Variants in LRRTM1 observed in about 807,000 individuals in gnomAD.
LRRTM1 encodes the protein leucine-rich repeat transmembrane neuronal protein 1.
Under a neutral mutation model 37.3 loss-of-function variants are expected in LRRTM1, and 8 were observed. The ratio of observed to expected loss-of-function variants is 0.21; its 90% CI spans 0.13 to 0.39. The LOEUF is 0.39. LRRTM1 is among the 10% of genes least tolerant of loss of function. LRRTM1 has a pLI of 1.00. For synonymous variants in LRRTM1, 326 were observed against 316.8 expected (o/e 1.03, Z -0.31); for missense variants, 557 against 691.0 (o/e 0.81, Z 2.17).
At chr2:80,298,700 TG>T (rs1675978121), downstream of LRRTM1, 1 of 152,230 alleles carries the variant, frequency 6.6e-6, no homozygotes, top group Non-Finnish European at 1.5e-5. Context: ...GAGAAAAGGT[TG>T]GGGGCTCTTC....
downstream of LRRTM1, chr2:80,298,292 C>A (rs915984325): frequency 1.3e-5 from 2 of 152,178 alleles, no homozygotes; most frequent in African/African-American, 4.8e-5. Flanking sequence ...AATCAGCCAA[C>A]ATCGCCACTC....
downstream of LRRTM1, among the ~76,000 whole-genome samples, chr2:80,297,445 C>G (rs1351398406): frequency 6.6e-6 from 1 of 152,126 alleles, no homozygotes; most frequent in Non-Finnish European, 1.5e-5. Flanking sequence ...AGGCACCATA[C>G]CAGCGACTGC....
chr2:80,289,136 T>A (rs1207367096), exon 3 of LRRTM1: 2 of 152,206 alleles, frequency 1.3e-5, no homozygotes, highest in Non-Finnish European at 2.9e-5. Flanking sequence ...AGCAGATATA[T>A]GCTGCGGATG....
In LRRTM1 at chr2:80,302,290, A is replaced by G. The variant is rs754669657; in HGVS notation, c.1530T>C (p.Cys510=). 2 of 1,613,900 alleles carry G rather than the reference A, an allele frequency of 1.2e-6. No homozygotes were observed. The highest frequency in any genetic ancestry group is 2.7e-5 in the African/African-American group (2 of 74,936). The change falls in exon 2 of 2, where the codon TGT becomes TGC. Residue 510 remains cysteine, a synonymous_variant. Transcript: ENST00000295057. The surrounding 1 kb of genome is among the most constrained non-coding windows in gnomAD (Gnocchi z 6.4). ...CCCTCGCGGGCTGCTGGTGGCAGGT[A>G]CACGAGCCATACTCGTTGATGATCA... ...ALVIINEYGS[C]TCHQQPAREC... is the part of the protein sequence containing the mutation.
At chr2:80,290,887 C>T (rs1429315878) in intron 2 of LRRTM1, among the ~76,000 whole-genome samples, 2 of 152,062 alleles carry the variant, frequency 1.3e-5, no homozygotes, top group Non-Finnish European at 2.9e-5. Context: ...ATAAAACAAG[C>T]CAGCAATGAC....
chr2:80,304,083 T>C (rs1252786429), intron 1 of LRRTM1, 69 bp downstream of exon 1: 2 of 386,476 alleles, frequency 5.2e-6, no homozygotes, highest in Admixed American at 4.5e-5. Context: ...TGTTAGATGC[T>C]GCAGCAAAGA....
In LRRTM1 at chr2:80,303,598, G is replaced by A. The variant is rs959169002; in HGVS notation, c.222C>T (p.Tyr74=). The part of the protein sequence containing the change: ...LSGLLGLSLR[Y]NSLSELRAGQ... ...CGGCGCGCAGCTCCGAGAGGCTGTTGTAGCGCAGGGACAAGCCCAGCAGGC... is the reference window on the plus strand; with the variant it reads ...CGGCGCGCAGCTCCGAGAGGCTGTTATAGCGCAGGGACAAGCCCAGCAGGC... The change falls in exon 2 of 2, where the codon TAC becomes TAT. Residue 74 remains tyrosine, a synonymous_variant. Coordinates refer to ENST00000295057, the MANE Select transcript of LRRTM1 (RefSeq NM_178839.5). This position sits in a 1 kb window ranked among gnomAD's most constrained non-coding sequence, Gnocchi z 7.7. 2 of 1,614,178 alleles carry A rather than the reference G, an allele frequency of 1.2e-6. No individual in the cohort carries two copies. The highest frequency in any genetic ancestry group is 1.7e-6 in the Non-Finnish European group (2 of 1,180,030).
At position 80,303,747 on chromosome 2, in the gene LRRTM1, G is replaced by A. The variant is rs1676615802; in HGVS notation, c.73C>T (p.Leu25=). 6.3e-7 allele frequency: 1 copy of A among 1,594,272 alleles called. No individual in the cohort carries two copies. Among genetic ancestry groups the A allele is most frequent in the Non-Finnish European group, 8.5e-7 (1 of 1,170,816 alleles). The change falls in exon 2 of 2, where the codon CTG becomes TTG. Residue 25 remains leucine (L), a synonymous_variant. Coordinates refer to ENST00000295057, the MANE Select transcript of LRRTM1 (RefSeq NM_178839.5). This position sits in a 1 kb window ranked among gnomAD's most constrained non-coding sequence, Gnocchi z 7.7. ...RRPSGVVLCL[L]GACFQMLPAA... ...GGCAGCATCTGAAAGCAGGCCCCCA[G>A]CAGACACAAGACCACCCCCGAGGGC... is the stretch of plus-strand genomic sequence containing the variant.
chr2:80,295,543 CT>C (rs1675668512), intron 2 of LRRTM1, among the ~76,000 whole-genome samples: 1 of 152,162 alleles, frequency 6.6e-6, no homozygotes, highest in Non-Finnish European at 1.5e-5. Flanking sequence ...TTTTAATTTT[CT>C]GGTTAAGTGA....
chr2:80,290,596 A>C (rs750203479), intron 2 of LRRTM1, among the ~76,000 whole-genome samples: 6 of 150,450 alleles, frequency 4.0e-5, no homozygotes, highest in African/African-American at 7.5e-5. Context: ...TACTATTTAG[A>C]CATTTTTTTT....
chr2:80,293,052 A>G (rs948410570), intron 2 of LRRTM1, among the ~76,000 whole-genome samples: 3 of 152,236 alleles, frequency 2.0e-5, no homozygotes, highest in African/African-American at 7.2e-5. Context: ...TTAATAAAAT[A>G]AAAGAAACAC....
downstream of LRRTM1, among the ~76,000 whole-genome samples, chr2:80,301,487 G>A (rs574133855): frequency 9.2e-4 from 140 of 152,290 alleles, no homozygotes; most frequent in African/African-American, 3.1e-3. Flanking sequence ...AAAATGTTTC[G>A]TGTTCCTAGG....
intron 2 of LRRTM1, among the ~76,000 whole-genome samples, chr2:80,292,216 C>T (rs563370512): frequency 6.6e-6 from 1 of 152,282 alleles, no homozygotes; most frequent in Non-Finnish European, 1.5e-5. Flanking sequence ...CCATTCTAAG[C>T]ACTTTATAAG....
Position 80,302,876 on chromosome 2 carries a change from A to G in LRRTM1, c.944T>C (p.Leu315Pro), listed in dbSNP as rs1204578315. Residue 315 changes from leucine (L) to proline (P), a missense_variant, in exon 2 of 2, where the codon CTG becomes CCG. Coordinates refer to ENST00000295057, the MANE Select transcript of LRRTM1 (RefSeq NM_178839.5). The surrounding 1 kb of genome is among the most constrained non-coding windows in gnomAD (Gnocchi z 6.4). ...SLTSITLAGN[L>P]WDCGRNVCAL... ...ACACACGTTGCGCCCGCAATCCCACAGGTTCCCGGCCAGGGTGATGCTTGT... is the reference window on the plus strand; with the variant it reads ...ACACACGTTGCGCCCGCAATCCCACGGGTTCCCGGCCAGGGTGATGCTTGT... 1 of 1,614,124 alleles carries G rather than the reference A, an allele frequency of 6.2e-7. No individual in the cohort carries two copies. The highest frequency in any genetic ancestry group is 2.2e-5 in the East Asian group (1 of 44,860).
rs576755999 is a variant in LRRTM1, at chr2:80,289,926, C to T, written c.*307-731G>A. Reference sequence around the variant, plus strand: ...AGTGACCAAGAGCAGGAATTTAAATCCCTGTGGAGGAGAGTTTGAAGGATA... The same window carrying T: ...AGTGACCAAGAGCAGGAATTTAAATTCCTGTGGAGGAGAGTTTGAAGGATA... On this transcript the variant is annotated intron_variant and NMD_transcript_variant, in intron 2 of 2. Transcript: ENST00000417012. 3.9e-5 allele frequency among the ~76,000 whole-genome samples: 6 copies of T among 152,264 alleles called. No individual in the cohort carries two copies. In the South Asian group the frequency reaches 1.2e-3, roughly 32 times the overall value.
intron 2 of LRRTM1, among the ~76,000 whole-genome samples, chr2:80,292,870 G>A (rs1675386676): frequency 1.3e-5 from 2 of 152,146 alleles, no homozygotes; most frequent in South Asian, 4.1e-4. Context: ...CAGTTATAAT[G>A]TGGTTTCTCC....
chr2:80,289,304 A>G (rs1675036224), intron 2 of LRRTM1: 2 of 152,182 alleles, frequency 1.3e-5, no homozygotes, highest in Admixed American at 6.5e-5. Context: ...TTCCCTCTTA[A>G]CATTCCAGTT....
downstream of LRRTM1, chr2:80,299,020 T>C (rs1022868580): frequency 2.0e-5 from 3 of 152,106 alleles, no homozygotes; most frequent in African/African-American, 7.2e-5. Flanking sequence ...TCTATATAAA[T>C]ATTCGAAAAA....
Position 80,303,792 on chromosome 2 carries a change from G to T in LRRTM1, c.28C>A (p.Leu10Ile). 1 of 1,522,628 alleles carries T rather than the reference G, an allele frequency of 6.6e-7. No individual in the cohort carries two copies. The highest frequency in any genetic ancestry group is 8.8e-7 in the Non-Finnish European group (1 of 1,136,264). The allele number at this position is 1,522,628 out of a possible 1,614,324, so 94.3% of individuals were successfully genotyped here. A position where few individuals can be genotyped will look rare whatever the true frequency, so the allele number is the denominator to read the frequency against. MDFLLLGLCLYWLLRRPSGV... is the reference protein window; with the variant it reads MDFLLLGLCIYWLLRRPSGV... ...GAGGGCCTCCTCAGCAGCCAGTATA[G>T]ACAGAGACCGAGCAGCAGGAAATCC... Residue 10 changes from leucine (L) to isoleucine (I), a missense_variant, in exon 2 of 2, where the codon CTA becomes ATA. Leu to Ile is a conservative substitution (Grantham distance 5). Transcript: ENST00000295057. This position sits in a 1 kb window ranked among gnomAD's most constrained non-coding sequence, Gnocchi z 7.7.
Sources: allele counts gnomAD v4.1 joint callset (sites outside exome capture counted in the v4.1 genomes callset), GRCh38; gene constraint gnomAD v4.1.1; non-coding constraint Gnocchi (gnomAD v3.1); transcripts MANE v1.5; gene names NCBI Gene and HGNC (gene_info 2026-07-23, HGNC 2026-07-21).